The following SYNJ2 variants were observed in gnomAD, a reference collection of about 807,000 sequenced individuals.
SYNJ2 encodes synaptojanin 2, also known as polyphosphatidylinositol phosphatase SYNJ2.
A neutral mutation model predicts 141.3 loss-of-function variants in SYNJ2; 116 were observed. The ratio of observed to expected loss-of-function variants is 0.82; its 90% CI spans 0.71 to 0.96. SYNJ2 has a LOEUF of 0.96. SYNJ2 is among the 40% of genes least tolerant of loss of function. The probability of loss-of-function intolerance (pLI) is 0.00; values close to 1 mark genes in which losing one functional copy is unlikely to be tolerated. For synonymous variants in SYNJ2, 745 were observed against 777.7 expected (o/e 0.96, Z 0.70); for missense variants, 1,873 against 1,934.8 (o/e 0.97, Z 0.60).
chr6:158,035,613 T>G (rs751606281), intron 4 of SYNJ2, among the ~76,000 whole-genome samples: 30 of 152,192 alleles, frequency 2.0e-4, no homozygotes, highest in Non-Finnish European at 3.4e-4. Flanking sequence ...GATAGTTTGA[T>G]TCCTCTCTTC....
intron 7 of SYNJ2, among the ~76,000 whole-genome samples, chr6:158,060,022 C>G (rs1290786366): frequency 2.0e-5 from 3 of 152,204 alleles, no homozygotes; most frequent in Admixed American, 1.3e-4. Flanking sequence ...AGCAGGCAGG[C>G]CTCCCTTTCT....
Position 158,076,688 on chromosome 6 carries a change from C to T in SYNJ2, c.2355C>T (p.Gly785=), listed in dbSNP as rs1429396292. 3.7e-6 allele frequency: 6 copies of T among 1,614,210 alleles called. No individual in the cohort carries two copies. In the East Asian group the frequency reaches 1.3e-4, roughly 36 times the overall value. ...NFGPTYKYDV[G]SAAYDTSDKC... ...GACCCACCTACAAGTATGACGTTGG[C>T]TCAGCCGCCTACGATACAAGCGACA... The change falls in exon 17 of 27, where the codon GGC becomes GGT. Residue 785 remains glycine, a synonymous_variant. Coordinates refer to ENST00000355585, the MANE Select transcript of SYNJ2 (RefSeq NM_003898.4).
At chr6:158,005,244 A>AT (rs1406803293) in intron 1 of SYNJ2, among the ~76,000 whole-genome samples, 5 of 151,914 alleles carry the variant, frequency 3.3e-5, no homozygotes, top group South Asian at 2.1e-4. Flanking sequence ...CGCCCGGCTA[A>AT]TTTTTTGTAT....
chr6:158,089,342 G>A (rs1034217555), intron 24 of SYNJ2, among the ~76,000 whole-genome samples: 13 of 152,068 alleles, frequency 8.5e-5, no homozygotes, highest in South Asian at 4.1e-4. Flanking sequence ...TGCTATGACC[G>A]GGATGCCTCT....
chr6:158,002,750 A>G (rs926006756), intron 1 of SYNJ2, among the ~76,000 whole-genome samples: 1 of 152,178 alleles, frequency 6.6e-6, no homozygotes, highest in African/African-American at 2.4e-5. Context: ...GGTTGGGGCT[A>G]CCAGGCCCAG....
Position 158,071,575 on chromosome 6 carries a change from C to A in SYNJ2, c.1941-27C>A. The A allele has an allele frequency of 6.2e-7, 1 of 1,601,168 alleles. No individual in the cohort carries two copies. Among genetic ancestry groups the A allele is most frequent in the Non-Finnish European group, 8.5e-7 (1 of 1,173,178 alleles). On this transcript the variant is annotated intron_variant, in intron 14 of 26. Transcript: ENST00000355585. This position sits in a 1 kb window ranked among gnomAD's most constrained non-coding sequence, Gnocchi z 4.3. ...GTCACACTTCTCCTTCAGGAGCCGA[C>A]GGCATGCGCGTATCCTTCTGTTCCA...
chr6:158,057,106 G>GA (rs1268648560), intron 6 of SYNJ2, among the ~76,000 whole-genome samples: 1 of 152,130 alleles, frequency 6.6e-6, no homozygotes, highest in Admixed American at 6.5e-5. Context: ...AGGGTGTGCT[G>GA]AACTCTTGGT....
intron 1 of SYNJ2, among the ~76,000 whole-genome samples, chr6:157,986,605 G>A (rs1280477038): frequency 2.0e-5 from 3 of 152,270 alleles, no homozygotes; most frequent in Non-Finnish European, 4.4e-5. Flanking sequence ...AAGTGCTGGG[G>A]TTACAGGCAA....
At position 158,076,650 on chromosome 6, in the gene SYNJ2, G is replaced by C. The variant is rs1243212042; in HGVS notation, c.2317G>C (p.Ala773Pro). Reference protein sequence around the residue: ...GKIFKDFHEGAINFGPTYKYD... With the variant: ...GKIFKDFHEGPINFGPTYKYD... ...GATTTTTAAGGACTTTCACGAAGGA[G>C]CCATTAACTTTGGACCCACCTACAA... The change falls in exon 17 of 27, where the codon GCC becomes CCC. Residue 773 changes from alanine to proline, a missense_variant. Physicochemically the swap from Ala to Pro is conservative, Grantham distance 27. Transcript: ENST00000355585. The C allele has an allele frequency of 6.2e-7, 1 of 1,613,884 alleles. No homozygotes were observed. Among genetic ancestry groups the C allele is most frequent in the Non-Finnish European group, 8.5e-7 (1 of 1,179,914 alleles).
chr6:158,090,528 TC>T (rs1783364005), intron 25 of SYNJ2, among the ~76,000 whole-genome samples: 1 of 148,192 alleles, frequency 6.7e-6, no homozygotes, highest in Non-Finnish European at 1.5e-5. Context: ...GCCCTTTTCT[TC>T]GTTTTTTTTT....
At chr6:158,072,661 T>C (rs529967551) in intron 15 of SYNJ2, among the ~76,000 whole-genome samples, 1 of 152,082 alleles carries the variant, frequency 6.6e-6, no homozygotes, top group Non-Finnish European at 1.5e-5. Context: ...CCATAATTCC[T>C]GTTGGTGTTG....
At chr6:158,069,407 T>G in intron 13 of SYNJ2, 126 bp from the exon 14 acceptor site, 1 of 1,192,298 alleles carries the variant, frequency 8.4e-7, no homozygotes, top group Non-Finnish European at 1.2e-6. Flanking sequence ...GACACTAATA[T>G]TGGGGTGCGG....
At chr6:158,022,334 C>T (rs1431636252) in intron 2 of SYNJ2, among the ~76,000 whole-genome samples, 2 of 152,206 alleles carry the variant, frequency 1.3e-5, no homozygotes, top group Non-Finnish European at 2.9e-5. Context: ...AAATGCCAGC[C>T]CAGAGCCTTG....
In SYNJ2 at chr6:158,075,574, G is replaced by A. The variant is rs553210179; in HGVS notation, c.2292+836G>A. 1.1e-4 allele frequency among the ~76,000 whole-genome samples: 16 copies of A among 151,884 alleles called. No homozygotes were observed. The South Asian group carries it at 3.3e-3, about 32-fold the overall frequency. On this transcript the variant is annotated intron_variant, in intron 16 of 26. Coordinates refer to ENST00000355585, the MANE Select transcript of SYNJ2 (RefSeq NM_003898.4). ...GAGAATCGCTTGAACCTGGGAGGCG[G>A]AAGTTGCAGTGAGCCGAGATCGCAC... is the stretch of plus-strand genomic sequence containing the variant.
intron 1 of SYNJ2, 156 bp from the exon 2 acceptor site, chr6:158,017,048 A>T: frequency 1.5e-6 from 2 of 1,345,296 alleles, no homozygotes; most frequent in African/African-American, 3.0e-5. Flanking sequence ...TTCGCGAATC[A>T]TAAAACCTCC....
chr6:158,062,980 C>G (rs1420374265), intron 8 of SYNJ2, among the ~76,000 whole-genome samples: 1 of 152,114 alleles, frequency 6.6e-6, no homozygotes, highest in African/African-American at 2.4e-5. Flanking sequence ...TTAAGATAAG[C>G]TTTGTCCCTA....
rs917814206 is a variant in SYNJ2, at chr6:158,027,220, C to G, written c.215-1536C>G. 1.0e-5 allele frequency: 10 copies of G among 983,414 alleles called. No homozygotes were observed. The highest frequency in any genetic ancestry group is 1.7e-5 in the African/African-American group (1 of 57,174). 60.9% of individuals were successfully genotyped at this position (983,414 alleles called of 1,614,324 possible). A position where few individuals can be genotyped will look rare whatever the true frequency, so the allele number is the denominator to read the frequency against. ...AACTGGTTGTTTTGGGGGTCTCTTCCTGGAGTGTGGAGAGATCAGAACCAT... is the reference window on the plus strand; with the variant it reads ...AACTGGTTGTTTTGGGGGTCTCTTCGTGGAGTGTGGAGAGATCAGAACCAT... On this transcript the variant is annotated intron_variant, in intron 2 of 26. Coordinates refer to ENST00000355585, the MANE Select transcript of SYNJ2 (RefSeq NM_003898.4). The surrounding 1 kb of genome is among the most constrained non-coding windows in gnomAD (Gnocchi z 4.6).
chr6:158,053,272 T>TA (rs1209911569), intron 5 of SYNJ2, among the ~76,000 whole-genome samples: 6 of 152,180 alleles, frequency 3.9e-5, no homozygotes, highest in African/African-American at 1.2e-4. Context: ...TTTCTCCACT[T>TA]ACGGTTAATA....
At chr6:158,037,615 A>G (rs553963291) in intron 4 of SYNJ2, among the ~76,000 whole-genome samples, 138 of 151,698 alleles carry the variant, frequency 9.1e-4, no homozygotes, top group Non-Finnish European at 1.7e-3. Flanking sequence ...GTTAGCCAGG[A>G]TGGTCTCGAT....
Sources: gnomAD v4.1 joint callset for allele counts (sites outside exome capture counted in the v4.1 genomes callset) on GRCh38, gnomAD v4.1.1 for gene constraint, Gnocchi (gnomAD v3.1) non-coding constraint, MANE v1.5 for transcripts, NCBI Gene and HGNC (gene_info 2026-07-23, HGNC 2026-07-21) for gene names.